Variants in KIF17 observed in about 807,000 individuals in gnomAD.
The protein encoded by KIF17 is kinesin family member 17, also known as kinesin-like protein KIF17.
In KIF17, 80 loss-of-function variants were observed where a neutral mutation model predicts 96.8. The ratio of observed to expected loss-of-function variants is 0.83; its 90% confidence interval spans 0.69 to 1.00. The LOEUF (loss-of-function observed/expected upper bound fraction) is 1.00. Among genes scored for constraint, KIF17 ranks in the 50% least tolerant of loss-of-function variants. The pLI is 0.00. For missense variants in KIF17, 1,280 were observed against 1,372.9 expected (o/e 0.93, Z 1.07); for synonymous variants, 567 against 587.5 (o/e 0.97, Z 0.51).
In KIF17 at chr1:20,704,348, A is replaced by T; in HGVS notation, c.1123+99T>A. On this transcript the variant is annotated intron_variant, in intron 5 of 14. Transcript: ENST00000400463. The surrounding 1 kb of genome is among the most constrained non-coding windows in gnomAD (Gnocchi z 6.8). Reference sequence around the variant, plus strand: ...TGAGGGGTGGGAGGATGCTGCTCCCACTGTCTTTTAGGTGGGAAGTTGGAG... The same window carrying T: ...TGAGGGGTGGGAGGATGCTGCTCCCTCTGTCTTTTAGGTGGGAAGTTGGAG... The T allele has an allele frequency of 1.0e-6, 1 of 995,538 alleles. No individual in the cohort carries two copies. The highest frequency in any genetic ancestry group is 1.5e-6 in the Non-Finnish European group (1 of 649,718). 61.7% of individuals were successfully genotyped at this position (995,538 alleles called of 1,614,324 possible). A position where few individuals can be genotyped will look rare whatever the true frequency, so the allele number is the denominator to read the frequency against.
chr1:20,704,766 C>T lies in KIF17; in HGVS notation c.804G>A (p.Ser268=), dbSNP rs548975180. 2.6e-5 allele frequency: 42 copies of T among 1,611,988 alleles called. No individual in the cohort carries two copies. The highest frequency in any genetic ancestry group is 2.3e-4 in the South Asian group (21 of 91,026). Residue 268 remains serine (S), a synonymous_variant, in exon 5 of 15, where the codon TCG becomes TCA. Coordinates refer to ENST00000400463, the MANE Select transcript of KIF17 (RefSeq NM_001122819.3). This position sits in a 1 kb window ranked among gnomAD's most constrained non-coding sequence, Gnocchi z 6.8. The part of the protein sequence containing the change: ...KEATKINLSL[S]ALGNVISALV... ...GCGCCGAGATGACATTGCCCAGTGC[C>T]GAGAGCGACAGGTTGATCTTGGTGG... is the stretch of plus-strand genomic sequence containing the variant.
chr1:20,670,588 C>T, intron 12 of KIF17, 100 bp from the exon 13 acceptor site: 1 of 1,073,518 alleles, frequency 9.3e-7, no homozygotes, highest in East Asian at 2.4e-5. Flanking sequence ...CAGGCTTAAA[C>T]AGGGGAGGAC....
At chr1:20,695,526 C>T (rs1314895851) in intron 6 of KIF17, among the ~76,000 whole-genome samples, 2 of 152,162 alleles carry the variant, frequency 1.3e-5, no homozygotes. Flanking sequence ...GAATCTCAGG[C>T]AGGCGGGTTT....
chr1:20,676,203 AC>A (rs1317392810), intron 11 of KIF17, among the ~76,000 whole-genome samples: 8 of 152,350 alleles, frequency 5.3e-5, no homozygotes, highest in African/African-American at 1.2e-4. Flanking sequence ...TAGAAAAAAA[AC>A]ATGAGGGAAT....
At chr1:20,717,072 C>T (rs1219140458) in intron 1 of KIF17, among the ~76,000 whole-genome samples, 2 of 152,176 alleles carry the variant, frequency 1.3e-5, no homozygotes, top group South Asian at 2.1e-4. Flanking sequence ...GGACGCGGTG[C>T]CTCATGCCTG....
rs2054223469 is a variant in KIF17 at position 20,700,967 on chromosome 1, A to G, written c.1124-2479T>C. On this transcript the variant is annotated intron_variant, in intron 5 of 14. Transcript: ENST00000400463. This position sits in a 1 kb window ranked among gnomAD's most constrained non-coding sequence, Gnocchi z 4.6. ...GGCCTTGCTGTGTGTTTCCCACAGG[A>G]AGCCCAGTAAAGGCTGTGGCCCGGG... Among the ~76,000 whole-genome samples the G allele has an allele frequency of 6.6e-6, 1 of 152,138 alleles. No homozygotes were observed. The highest frequency in any genetic ancestry group is 1.5e-5 in the Non-Finnish European group (1 of 68,036).
At position 20,685,073 on chromosome 1, in the gene KIF17, CCGACAGCT is replaced by C; in HGVS notation, c.2020-61_2020-54del. 7.0e-7 allele frequency: 1 copy of C among 1,437,004 alleles called. No individual in the cohort carries two copies. Among genetic ancestry groups the C allele is most frequent in the East Asian group, 2.5e-5 (1 of 40,430 alleles). The allele number at this position is 1,437,004 out of a possible 1,614,324, so 89.0% of individuals were successfully genotyped here. A position where few individuals can be genotyped will look rare whatever the true frequency, so the allele number is the denominator to read the frequency against. On this transcript the variant is annotated intron_variant, in intron 9 of 14. Transcript: ENST00000400463. This position sits in a 1 kb window ranked among gnomAD's most constrained non-coding sequence, Gnocchi z 4.1. Reference sequence around the variant, plus strand: ...GGTGGGAAGGCCGCCCCAACCCCCGCCGACAGCTCCCAGGTGGCTCAATCCCAGACGGG... The same window carrying C: ...GGTGGGAAGGCCGCCCCAACCCCCGCCCCAGGTGGCTCAATCCCAGACGGG...
intron 1 of KIF17, 107 bp from the exon 2 acceptor site, chr1:20,715,746 C>A: frequency 2.3e-6 from 3 of 1,302,858 alleles, no homozygotes; most frequent in African/African-American, 1.4e-5. Context: ...GTCCCCCCAC[C>A]AACAATGGCA....
chr1:20,685,382 T>G lies in KIF17; in HGVS notation c.2020-362A>C. On this transcript the variant is annotated intron_variant, in intron 9 of 14. Transcript: ENST00000400463. This position sits in a 1 kb window ranked among gnomAD's most constrained non-coding sequence, Gnocchi z 4.1. ...AAAGTCCACTTTCCTCCCTGCCGGCTCCCTGCCTCCACGGCCTCCCCCGCC... is the reference window on the plus strand; with the variant it reads ...AAAGTCCACTTTCCTCCCTGCCGGCGCCCTGCCTCCACGGCCTCCCCCGCC... 2.4e-6 allele frequency: 1 copy of G among 423,776 alleles called. No homozygotes were observed. The allele number at this position is 423,776 out of a possible 1,614,324, so 26.3% of individuals were successfully genotyped here.
chr1:20,714,224 G>A (rs1311968738), intron 2 of KIF17, among the ~76,000 whole-genome samples: 1 of 152,134 alleles, frequency 6.6e-6, no homozygotes, highest in African/African-American at 2.4e-5. Flanking sequence ...CTACTCAGGA[G>A]GCTGAGGCAG....
rs76754977 is a variant in KIF17 at position 20,685,320 on chromosome 1, C to T, written c.2020-300G>A. 435 of 568,828 alleles carry T rather than the reference C, an allele frequency of 7.6e-4. No homozygotes were observed. The highest frequency in any genetic ancestry group is 6.9e-3 in the African/African-American group (374 of 54,500). The allele number at this position is 568,828 out of a possible 1,614,324, so 35.2% of individuals were successfully genotyped here. A position where few individuals can be genotyped will look rare whatever the true frequency, so the allele number is the denominator to read the frequency against. On this transcript the variant is annotated intron_variant, in intron 9 of 14. Transcript: ENST00000400463. This position sits in a 1 kb window ranked among gnomAD's most constrained non-coding sequence, Gnocchi z 4.1. ...ATAGAAACCGATCACATCCCGTTCC[C>T]GATGAGCCCCATGTGACTTCCCGTC...
At chr1:20,717,224 G>C (rs2054593264) in intron 1 of KIF17, 3 of 540,538 alleles carry the variant, frequency 5.6e-6, no homozygotes, top group South Asian at 2.3e-5. Context: ...AGCTACTTGG[G>C]AGGCTGAGGC....
chr1:20,686,330 C>A (rs550780414), intron 8 of KIF17: 20 of 627,180 alleles, frequency 3.2e-5, no homozygotes, highest in South Asian at 9.0e-5. Context: ...GGAAGACAGG[C>A]GTGTGGTGGG....
chr1:20,665,978 C>T (rs2053519361), intron 14 of KIF17, among the ~76,000 whole-genome samples: 2 of 152,220 alleles, frequency 1.3e-5, no homozygotes, highest in South Asian at 4.1e-4. Flanking sequence ...GGAGACAAGA[C>T]TGGAGCAAAG....
chr1:20,713,888 A>G (rs2054527500), intron 2 of KIF17, among the ~76,000 whole-genome samples: 1 of 152,004 alleles, frequency 6.6e-6, no homozygotes, highest in African/African-American at 2.4e-5. Flanking sequence ...AAAACAAACA[A>G]AACAAAACAA....
In KIF17 at chr1:20,709,389, T is replaced by C. The variant is rs150913138; in HGVS notation, c.670+250A>G. 2.3e-3 allele frequency among the ~76,000 whole-genome samples: 355 copies of C among 152,112 alleles called. 1 individual carries two copies. The highest frequency in any genetic ancestry group is 8.0e-3 in the African/African-American group (334 of 41,494). On this transcript the variant is annotated intron_variant, in intron 4 of 14. Coordinates refer to ENST00000400463, the MANE Select transcript of KIF17 (RefSeq NM_001122819.3). This position sits in a 1 kb window ranked among gnomAD's most constrained non-coding sequence, Gnocchi z 4.7. ...GTGACACTTTGTCTCAAAAAACAAA[T>C]AAATAAATAAAAATTGTCTGGCACA...
At chr1:20,678,728 G>A (rs937823087) in intron 11 of KIF17, among the ~76,000 whole-genome samples, 5 of 152,160 alleles carry the variant, frequency 3.3e-5, no homozygotes, top group Non-Finnish European at 2.9e-5. Context: ...GCAGGGTGCA[G>A]TCCCTCCACA....
In KIF17 at chr1:20,667,684, G is replaced by C. The variant is rs548839890; in HGVS notation, c.2791-1353C>G. ...TCCGGCCATGTGGAGAAAGCCTTCA[G>C]TTAGCATACCAAGGGAAGCAGGAAC... On this transcript the variant is annotated intron_variant, in intron 13 of 14. Coordinates refer to ENST00000400463, the MANE Select transcript of KIF17 (RefSeq NM_001122819.3). 2.0e-5 allele frequency among the ~76,000 whole-genome samples: 3 copies of C among 152,280 alleles called. No individual in the cohort carries two copies. The South Asian group carries it at 6.2e-4, about 32-fold the overall frequency.
intron 6 of KIF17, among the ~76,000 whole-genome samples, chr1:20,696,012 A>G (rs899542733): frequency 2.0e-5 from 3 of 152,020 alleles, no homozygotes; most frequent in Non-Finnish European, 4.4e-5. Context: ...ATCCTCTTAC[A>G]TCCCTAAGAA....
Sources: allele counts gnomAD v4.1 joint callset (sites outside exome capture counted in the v4.1 genomes callset), GRCh38; gene constraint gnomAD v4.1.1; non-coding constraint Gnocchi (gnomAD v3.1); transcripts MANE v1.5; gene names NCBI Gene and HGNC (gene_info 2026-07-23, HGNC 2026-07-21).